The following PTPRO variants were observed in gnomAD, a reference collection of about 807,000 sequenced individuals.
PTPRO encodes the protein protein tyrosine phosphatase receptor type O.
Under a neutral mutation model 145.2 loss-of-function variants are expected in PTPRO, and 62 were observed. That is an observed-to-expected ratio of 0.43 (90% CI 0.35 to 0.53). PTPRO has a LOEUF of 0.53. Ranked by LOEUF, PTPRO falls within the 20% of genes least tolerant of loss-of-function variation. PTPRO has a pLI of 0.01. For missense variants in PTPRO, 1,345 were observed against 1,482.7 expected (o/e 0.91, Z 1.53); for synonymous variants, 565 against 514.7 (o/e 1.10, Z -1.32).
chr12:15,403,321 ACCTGTAATT>A (rs1289269090), intron 1 of PTPRO, among the ~76,000 whole-genome samples: 2 of 152,094 alleles, frequency 1.3e-5, no homozygotes, highest in Non-Finnish European at 2.9e-5. Context: ...GATGGCTCAC[ACCTGTAATT>A]CCAACACTTT....
intron 1 of PTPRO, among the ~76,000 whole-genome samples, chr12:15,379,530 C>CAA (rs1211403772): frequency 0.07 from 3,399 of 48,656 alleles, 188 homozygotes; most frequent in African/African-American, 0.18. Context: ...AGCTCCATCT[C>CAA]AAAAAAAAAA....
At chr12:15,550,874 TA>T (rs1326860040) in intron 14 of PTPRO, among the ~76,000 whole-genome samples, 4 of 152,154 alleles carry the variant, frequency 2.6e-5, no homozygotes, top group African/African-American at 9.7e-5. Flanking sequence ...TATGAAGAAG[TA>T]GACAATGTGT....
intron 1 of PTPRO, among the ~76,000 whole-genome samples, chr12:15,399,492 G>C (rs951663761): frequency 6.6e-6 from 1 of 152,132 alleles, no homozygotes; most frequent in Admixed American, 6.5e-5. Context: ...ATAAAATCTG[G>C]CTTCTCATAG....
chr12:15,479,513 A>G lies in PTPRO; in HGVS notation c.76-4461A>G, dbSNP rs1941733380. Among the ~76,000 whole-genome samples, 3 of 152,168 alleles carry G rather than the reference A, an allele frequency of 2.0e-5. No individual in the cohort carries two copies. In the South Asian group the frequency reaches 6.2e-4, roughly 32 times the overall value. ...AGCCTCCCTCACCTCCACTGGAGAC[A>G]CTAGGTTTCTTGATCTTTTCTTCAA... On this transcript the variant is annotated intron_variant, in intron 1 of 26. Coordinates refer to ENST00000281171, the MANE Select transcript of PTPRO (RefSeq NM_030667.3).
intron 1 of PTPRO, among the ~76,000 whole-genome samples, chr12:15,402,671 T>C (rs1362830071): frequency 6.6e-6 from 1 of 152,152 alleles, no homozygotes; most frequent in Non-Finnish European, 1.5e-5. Flanking sequence ...TTCTACATAA[T>C]CAGGGTGACA....
chr12:15,358,345 G>A (rs1938064661), intron 1 of PTPRO, among the ~76,000 whole-genome samples: 1 of 151,608 alleles, frequency 6.6e-6, no homozygotes, highest in African/African-American at 2.4e-5. Context: ...TAACTAACCT[G>A]CACATTGTGC....
intron 23 of PTPRO, among the ~76,000 whole-genome samples, chr12:15,584,606 C>G (rs1470002740): frequency 6.6e-6 from 1 of 152,166 alleles, no homozygotes; most frequent in African/African-American, 2.4e-5. Flanking sequence ...AAGGAATTTA[C>G]TTGTTACAAG....
chr12:15,400,074 C>T (rs1421435943), intron 1 of PTPRO, among the ~76,000 whole-genome samples: 2 of 146,328 alleles, frequency 1.4e-5, no homozygotes, highest in African/African-American at 5.0e-5. Context: ...AAAAAAAGAG[C>T]CAGGTTCGAG....
intron 1 of PTPRO, among the ~76,000 whole-genome samples, chr12:15,395,465 C>G (rs1939310128): frequency 6.6e-6 from 1 of 151,904 alleles, no homozygotes; most frequent in African/African-American, 2.4e-5. Context: ...CACAGAGATT[C>G]TTCTTTATCC....
chr12:15,322,827 T>C lies in PTPRO; in HGVS notation c.75+26T>C. On this transcript the variant is annotated intron_variant, in intron 1 of 26. Coordinates refer to ENST00000281171, the MANE Select transcript of PTPRO (RefSeq NM_030667.3). This position sits in a 1 kb window ranked among gnomAD's most constrained non-coding sequence, Gnocchi z 6.3. ...GTAGGGGAGCTCCTCCACCCCTTTT[T>C]CCCAGCGGTCCGGGCGGCAGCCGCG... is the stretch of plus-strand genomic sequence containing the variant. The C allele has an allele frequency of 1.2e-6, 2 of 1,604,292 alleles. No individual in the cohort carries two copies. The highest frequency in any genetic ancestry group is 1.7e-6 in the Non-Finnish European group (2 of 1,175,890).
chr12:15,585,081 G>A (rs78595605), intron 23 of PTPRO, among the ~76,000 whole-genome samples: 3,298 of 152,228 alleles, frequency 0.022, 118 homozygotes, highest in African/African-American at 0.073. Flanking sequence ...GTGTAGCTGC[G>A]GAGAAACTAA....
chr12:15,541,107 G>T (rs758538832), intron 12 of PTPRO, among the ~76,000 whole-genome samples: 4 of 152,160 alleles, frequency 2.6e-5, no homozygotes, highest in Non-Finnish European at 5.9e-5. Flanking sequence ...AAATATCATG[G>T]ACTGTGAAGT....
chr12:15,505,194 A>C (rs533720869), intron 6 of PTPRO, among the ~76,000 whole-genome samples: 2 of 152,306 alleles, frequency 1.3e-5, no homozygotes, highest in East Asian at 3.9e-4. Context: ...ACTCCACAAC[A>C]ATTCTGGTCT....
intron 6 of PTPRO, among the ~76,000 whole-genome samples, chr12:15,506,651 T>C (rs1213039509): frequency 6.6e-6 from 1 of 152,096 alleles, no homozygotes; most frequent in East Asian, 1.9e-4. Context: ...AACTCGCTCA[T>C]TGTCTTGAGA....
At chr12:15,396,184 G>A (rs1205248464) in intron 1 of PTPRO, among the ~76,000 whole-genome samples, 1 of 152,108 alleles carries the variant, frequency 6.6e-6, no homozygotes, top group African/African-American at 2.4e-5. Context: ...GATGTGTGTT[G>A]TGAAGATGTG....
chr12:15,554,633 G>A (rs781514505), intron 15 of PTPRO, among the ~76,000 whole-genome samples: 24 of 152,100 alleles, frequency 1.6e-4, no homozygotes, highest in Non-Finnish European at 2.9e-4. Flanking sequence ...GCTGGGAGGC[G>A]AGGCCAGTCT....
At chr12:15,501,139 TA>T (rs1291404026) in intron 4 of PTPRO, among the ~76,000 whole-genome samples, 1 of 152,202 alleles carries the variant, frequency 6.6e-6, no homozygotes, top group Non-Finnish European at 1.5e-5. Flanking sequence ...ACATGTGTGT[TA>T]ACATCTCTAA....
Position 15,402,053 on chromosome 12 carries a change from G to C in PTPRO, c.75+79252G>C, listed in dbSNP as rs145843969. Among the ~76,000 whole-genome samples the C allele has an allele frequency of 9.3e-3, 1,410 of 152,226 alleles. 10 individuals carry two copies. Among genetic ancestry groups the C allele is most frequent in the Admixed American group, 0.017 (266 of 15,278 alleles). ...GCTTTAATGTAGGGCATGAAAGGAG[G>C]CTTTGGGACTTAATTTAGAAGGTTT... On this transcript the variant is annotated intron_variant, in intron 1 of 26. Transcript: ENST00000281171.
At chr12:15,579,083 C>A in intron 20 of PTPRO, 140 bp downstream of exon 20, 1 of 725,118 alleles carries the variant, frequency 1.4e-6, no homozygotes, top group South Asian at 1.5e-5. Flanking sequence ...TTGCATTGAT[C>A]TCACTCTCCT....
Sources: gnomAD v4.1 joint callset for allele counts (sites outside exome capture counted in the v4.1 genomes callset) on GRCh38, gnomAD v4.1.1 for gene constraint, Gnocchi (gnomAD v3.1) non-coding constraint, MANE v1.5 for transcripts, NCBI Gene and HGNC (gene_info 2026-07-23, HGNC 2026-07-21) for gene names.